The following PDS5A variants were observed in gnomAD, a reference collection of about 807,000 sequenced individuals.
PDS5A encodes the protein sister chromatid cohesion protein PDS5 homolog A.
PDS5A carries 42 observed loss-of-function variants against 167.1 expected under a neutral mutation model. That is an observed-to-expected ratio of 0.25 (90% CI 0.20 to 0.33). The LOEUF is 0.33. Among genes scored for constraint, PDS5A ranks in the 10% least tolerant of loss-of-function variants. PDS5A has a pLI of 1.00. For missense variants in PDS5A, 1,033 were observed against 1,605.9 expected, an observed-to-expected ratio of 0.64 and a Z score of 6.10; for synonymous variants, 553 against 554.6, an observed-to-expected ratio of 1.00 and a Z score of 0.04.
intron 2 of PDS5A, among the ~76,000 whole-genome samples, chr4:39,962,630 C>T (rs1265756625): frequency 6.6e-6 from 1 of 151,604 alleles, no homozygotes; most frequent in Non-Finnish European, 1.5e-5. Flanking sequence ...ATGGTGAAAC[C>T]CCGTCTCTAC....
intron 17 of PDS5A, among the ~76,000 whole-genome samples, chr4:39,888,704 A>G (rs1721708245): frequency 6.6e-6 from 1 of 152,052 alleles, no homozygotes; most frequent in Non-Finnish European, 1.5e-5. Flanking sequence ...AAAAAAACAA[A>G]TATTGCATAT....
intron 2 of PDS5A, among the ~76,000 whole-genome samples, chr4:39,952,003 A>T (rs1728449642): frequency 6.6e-6 from 1 of 152,060 alleles, no homozygotes; most frequent in Admixed American, 6.6e-5. Flanking sequence ...AAAAAAGATC[A>T]CAAGGGTCAA....
intron 6 of PDS5A, 124 bp from the exon 7 acceptor site, chr4:39,920,523 C>T (rs1253050039): frequency 4.6e-6 from 2 of 433,908 alleles, no homozygotes; most frequent in African/African-American, 4.1e-5. Flanking sequence ...AAATATGAAG[C>T]AAAAATAAAA....
chr4:39,837,831 C>G (rs1331606914), intron 32 of PDS5A, 25 bp downstream of exon 32: 1 of 1,535,584 alleles, frequency 6.5e-7, no homozygotes, highest in East Asian at 2.3e-5. Context: ...TAAATTCCCA[C>G]TTGAGGAAGA....
intron 2 of PDS5A, among the ~76,000 whole-genome samples, chr4:39,933,894 T>C (rs527572579): frequency 1.3e-5 from 2 of 152,274 alleles, no homozygotes; most frequent in African/African-American, 4.8e-5. Context: ...TATTCAAGAT[T>C]TGGAAGGTGA....
intron 24 of PDS5A, 42 bp downstream of exon 24, chr4:39,863,294 C>G (rs754612348): frequency 4.1e-6 from 6 of 1,465,982 alleles, no homozygotes; most frequent in Admixed American, 4.3e-5. Context: ...ATGTATTCAA[C>G]TTTGAAGATA....
At chr4:39,914,723 A>G (rs1488142383) in intron 8 of PDS5A, among the ~76,000 whole-genome samples, 2 of 152,200 alleles carry the variant, frequency 1.3e-5, no homozygotes, top group East Asian at 1.9e-4. Context: ...TTATTCTAAA[A>G]CCATATGGTG....
chr4:39,938,698 G>C (rs1303943670), intron 2 of PDS5A, among the ~76,000 whole-genome samples: 1 of 152,030 alleles, frequency 6.6e-6, no homozygotes, highest in Non-Finnish European at 1.5e-5. Context: ...TAGGCCAGGC[G>C]CAGTAGCTCA....
intron 2 of PDS5A, among the ~76,000 whole-genome samples, chr4:39,956,268 A>C (rs911021630): frequency 6.6e-6 from 1 of 152,064 alleles, no homozygotes; most frequent in Non-Finnish European, 1.5e-5. Context: ...ATGGCAGGCA[A>C]ATCACTTGAG....
chr4:39,976,473 C>G lies in PDS5A; in HGVS notation c.105G>C (p.Lys35Asn), dbSNP rs1338827137. 4 of 1,613,624 alleles carry G rather than the reference C, an allele frequency of 2.5e-6. No individual in the cohort carries two copies. Among genetic ancestry groups the G allele is most frequent in the East Asian group, 2.2e-5 (1 of 44,862 alleles). ...YPPGVKEITD[K>N]ITTDEMIKRL... ...GTTTGATCATCTCGTCCGTGGTGAT[C>G]TTGTCGGTGATCTCTTTTACCCCCG... The change falls in exon 2 of 33, where the codon AAG (lysine) becomes AAC (asparagine). Residue 35 changes from lysine to asparagine, a missense_variant. Physicochemically the swap from Lys to Asn is moderately conservative, Grantham distance 94. This residue lies in a region of PDS5A where 388 missense variants were observed against 615.1 expected (regional missense o/e 0.63). Coordinates refer to ENST00000303538, the MANE Select transcript of PDS5A (RefSeq NM_001100399.2).
At chr4:39,885,293 G>GGAGAA (rs141183753) in intron 17 of PDS5A, among the ~76,000 whole-genome samples, 2 of 146,528 alleles carry the variant, frequency 1.4e-5, no homozygotes, top group Non-Finnish European at 3.0e-5. Context: ...ACAAAAGAAA[G>GGAGAA]GAGAAGAGAA....
At chr4:39,865,001 T>TA (rs1213057056) in intron 23 of PDS5A, among the ~76,000 whole-genome samples, 3 of 152,126 alleles carry the variant, frequency 2.0e-5, no homozygotes, top group Non-Finnish European at 4.4e-5. Flanking sequence ...AGTGTAAAAA[T>TA]AAAGAGTCAA....
intron 2 of PDS5A, among the ~76,000 whole-genome samples, chr4:39,966,307 C>T (rs1481444070): frequency 6.6e-6 from 1 of 152,128 alleles, no homozygotes; most frequent in Non-Finnish European, 1.5e-5. Flanking sequence ...CAAACCAGTA[C>T]TTCAGGGGTC....
rs1353149007 is a variant in PDS5A at position 39,879,761 on chromosome 4, A to G, written c.1959T>C (p.Asp653=). 6.2e-7 allele frequency: 1 copy of G among 1,610,774 alleles called. No individual in the cohort carries two copies. Among genetic ancestry groups the G allele is most frequent in the African/African-American group, 1.3e-5 (1 of 74,872 alleles). Residue 653 remains aspartate, a synonymous_variant, in exon 18 of 33, where the codon GAT becomes GAC. Coordinates refer to ENST00000303538, the MANE Select transcript of PDS5A (RefSeq NM_001100399.2). The stretch of plus-strand genomic sequence containing the variant: ...GTTCAAGTCCTGAACGGATAGCTGT[A>G]TCTGGACTTACACCCTCCTCTTCAT... ...ADDEEEGVSP[D]TAIRSGLELL...
intron 2 of PDS5A, among the ~76,000 whole-genome samples, chr4:39,932,264 G>A (rs13131950): frequency 0.22 from 33,549 of 152,126 alleles, 4,680 homozygotes; most frequent in Middle Eastern, 0.33. Flanking sequence ...GCATTTGTAC[G>A]TTGAGATTGC....
intron 2 of PDS5A, among the ~76,000 whole-genome samples, chr4:39,966,202 T>A (rs1340433358): frequency 6.6e-6 from 1 of 152,218 alleles, no homozygotes. Context: ...GAACTCAGAG[T>A]TAAAATTATA....
chr4:39,828,175 A>T (rs571410656), intron 32 of PDS5A, among the ~76,000 whole-genome samples: 1 of 152,358 alleles, frequency 6.6e-6, no homozygotes, highest in South Asian at 2.1e-4. Flanking sequence ...GTCTAAATGC[A>T]GCCCAAAACA....
At chr4:39,839,442 T>C (rs1466594011) in intron 31 of PDS5A, among the ~76,000 whole-genome samples, 1 of 151,646 alleles carries the variant, frequency 6.6e-6, no homozygotes, top group Non-Finnish European at 1.5e-5. Context: ...TGGTGGCAGG[T>C]GCCTATAATC....
At chr4:39,878,831 C>T (rs769543077) in intron 18 of PDS5A, among the ~76,000 whole-genome samples, 1 of 152,020 alleles carries the variant, frequency 6.6e-6, no homozygotes, top group African/African-American at 2.4e-5. Context: ...GCAACCTCCA[C>T]CTCCTGGGTT....
Sources: allele counts gnomAD v4.1 joint callset (sites outside exome capture counted in the v4.1 genomes callset), GRCh38; gene constraint gnomAD v4.1.1; regional missense constraint gnomAD v4.1.1; transcripts MANE v1.5; gene names NCBI Gene and HGNC (gene_info 2026-07-23, HGNC 2026-07-21).